The following CDC45 variants were observed in gnomAD, a reference collection of about 807,000 sequenced individuals.
The protein encoded by CDC45 is cell division cycle 45, also known as cell division control protein 45 homolog.
CDC45 carries 54 observed loss-of-function variants against 77.8 expected under a neutral mutation model. The observed-to-expected ratio is 0.69, with a 90% CI of 0.56 to 0.87. The LOEUF is 0.87. Among genes scored for constraint, CDC45 ranks in the 40% least tolerant of loss-of-function variants. CDC45 has a pLI of 0.00. For missense variants in CDC45, 649 were observed against 721.6 expected (o/e 0.90, Z 1.15); for synonymous variants, 260 against 272.1 (o/e 0.96, Z 0.44).
intron 5 of CDC45, among the ~76,000 whole-genome samples, chr22:19,487,378 T>C (rs2090086759): frequency 6.6e-6 from 1 of 150,624 alleles, no homozygotes; most frequent in African/African-American, 2.5e-5. Context: ...AAATAAAAAT[T>C]AGCCAGGCAT....
rs371767223 is a variant in CDC45 at position 19,507,891 on chromosome 22, C to T, written c.1055+27C>T. ...TAAACACACATTTTTCTGGATTTATCTTCATTACATCCAGGTTCATTAAAG... is the reference window on the plus strand; with the variant it reads ...TAAACACACATTTTTCTGGATTTATTTTCATTACATCCAGGTTCATTAAAG... On this transcript the variant is annotated intron_variant, in intron 12 of 18. Transcript: ENST00000263201. 2.2e-5 allele frequency: 32 copies of T among 1,422,762 alleles called. 1 individual carries two copies. The highest frequency in any genetic ancestry group is 3.5e-4 in the Middle Eastern group (2 of 5,664). 88.1% of individuals were successfully genotyped at this position (1,422,762 alleles called of 1,614,324 possible). A position where few individuals can be genotyped will look rare whatever the true frequency, so the allele number is the denominator to read the frequency against.
At chr22:19,516,941 A>T in intron 17 of CDC45, 48 bp downstream of exon 17, 1 of 1,492,462 alleles carries the variant, frequency 6.7e-7, no homozygotes, top group South Asian at 1.1e-5. Flanking sequence ...TGACCCTTTG[A>T]GGCTATTGCA....
chr22:19,507,407 G>A lies in CDC45; in HGVS notation c.846G>A (p.Gln282=). 2 of 1,614,062 alleles carry A rather than the reference G, an allele frequency of 1.2e-6. No homozygotes were observed. The highest frequency in any genetic ancestry group is 1.7e-6 in the Non-Finnish European group (2 of 1,180,022). ...CCAGCCTCCGCCTGGTGCTCTACCA[G>A]CACTGGTCCCTCCATGACAGCCTGT... ...FEYDLRLVLY[Q]HWSLHDSLCN... is the part of the protein sequence containing the mutation. Residue 282 remains glutamine (Q), a synonymous_variant, in exon 11 of 19, where the codon CAG becomes CAA. Coordinates refer to ENST00000263201, the MANE Select transcript of CDC45 (RefSeq NM_003504.5).
At chr22:19,484,752 A>G (rs2090039147) in intron 5 of CDC45, among the ~76,000 whole-genome samples, 1 of 152,084 alleles carries the variant, frequency 6.6e-6, no homozygotes, top group African/African-American at 2.4e-5. Context: ...TGTTCAAGAC[A>G]TTCTTCATTT....
intron 3 of CDC45, 58 bp from the exon 4 acceptor site, chr22:19,482,632 A>T (rs1361252033): frequency 7.7e-6 from 12 of 1,564,482 alleles, no homozygotes; most frequent in South Asian, 1.1e-5. Context: ...AGGCTTAGTG[A>T]TGAAGGAAAA....
chr22:19,508,763 C>T (rs1047866014), intron 13 of CDC45, 72 bp downstream of exon 13: 30 of 1,468,850 alleles, frequency 2.0e-5, no homozygotes, highest in Admixed American at 5.7e-5. Flanking sequence ...AGGTCAGTTA[C>T]GGGGACCCCA....
chr22:19,485,172 G>C (rs1428725640), intron 5 of CDC45, among the ~76,000 whole-genome samples: 1 of 151,936 alleles, frequency 6.6e-6, no homozygotes, highest in Non-Finnish European at 1.5e-5. Context: ...GCATTTCATT[G>C]GTTCCCAAAT....
intron 17 of CDC45, among the ~76,000 whole-genome samples, chr22:19,517,126 C>T (rs901446702): frequency 3.3e-5 from 5 of 152,248 alleles, no homozygotes; most frequent in African/African-American, 1.2e-4. Flanking sequence ...TGGCTGTGGC[C>T]TTACAGCGGC....
In CDC45 at chr22:19,495,516, C is replaced by G. The variant is rs911117797; in HGVS notation, c.543-465C>G. Among the ~76,000 whole-genome samples the G allele has an allele frequency of 5.3e-5, 8 of 152,336 alleles. No homozygotes were observed. The East Asian group carries it at 9.6e-4, about 18-fold the overall frequency. Reference sequence around the variant, plus strand: ...TTTCCCAACGTTACACATATACATTCTGCTAAAGAGTCAATAAGTGGCCAG... The same window carrying G: ...TTTCCCAACGTTACACATATACATTGTGCTAAAGAGTCAATAAGTGGCCAG... On this transcript the variant is annotated intron_variant, in intron 6 of 18. Coordinates refer to ENST00000263201, the MANE Select transcript of CDC45 (RefSeq NM_003504.5).
At chr22:19,487,910 CAAAA>C (rs11291499) in intron 5 of CDC45, among the ~76,000 whole-genome samples, 3 of 68,760 alleles carry the variant, frequency 4.4e-5, no homozygotes, top group South Asian at 5.0e-4. Context: ...GACTCCGTCT[CAAAA>C]AAAAAAAAAA....
chr22:19,501,781 C>A (rs538764512), intron 9 of CDC45, among the ~76,000 whole-genome samples: 1 of 152,126 alleles, frequency 6.6e-6, no homozygotes, highest in South Asian at 2.1e-4. Context: ...TTGGCATGAA[C>A]GTAACTCACT....
chr22:19,516,994 C>T, intron 17 of CDC45, 101 bp downstream of exon 17: 1 of 979,562 alleles, frequency 1.0e-6, no homozygotes, highest in South Asian at 1.4e-5. Flanking sequence ...AGGAGCCTGG[C>T]CAGCAGCCCT....
At chr22:19,484,397 C>G (rs2090033506) in intron 5 of CDC45, among the ~76,000 whole-genome samples, 2 of 152,216 alleles carry the variant, frequency 1.3e-5, no homozygotes, top group Non-Finnish European at 2.9e-5. Context: ...ATCCCTTGGC[C>G]AGGCCCAGTC....
At chr22:19,480,043 G>A in intron 1 of CDC45, 24 bp downstream of exon 1, 2 of 1,613,800 alleles carry the variant, frequency 1.2e-6, no homozygotes, top group Non-Finnish European at 1.7e-6. Flanking sequence ...CGGGACCCCC[G>A]CCGAGGCCTT....
At chr22:19,501,376 C>T (rs1017877254) in intron 9 of CDC45, among the ~76,000 whole-genome samples, 3 of 152,158 alleles carry the variant, frequency 2.0e-5, no homozygotes, top group Non-Finnish European at 2.9e-5. Context: ...TGTCAACCTT[C>T]GGTGCATAAA....
At chr22:19,505,540 T>C (rs1933122253) in intron 10 of CDC45, 59 bp downstream of exon 10, 1 of 1,596,844 alleles carries the variant, frequency 6.3e-7, no homozygotes, top group Non-Finnish European at 8.6e-7. Context: ...CAGGCCTTGT[T>C]TGCTTTGTCA....
At chr22:19,479,668 G>T (rs1568907791), upstream of CDC45, 6 of 679,346 alleles carry the variant, frequency 8.8e-6, no homozygotes, top group East Asian at 1.5e-4. Context: ...AAAGATGTCC[G>T]CCCAGCGTCG....
At chr22:19,482,568 A>T in intron 3 of CDC45, 122 bp from the exon 4 acceptor site, 1 of 1,060,744 alleles carries the variant, frequency 9.4e-7, no homozygotes, top group South Asian at 1.7e-5. Flanking sequence ...GTCCCTTGCC[A>T]CGTGGGCCTC....
chr22:19,498,499 G>A lies in CDC45; in HGVS notation c.654-602G>A, dbSNP rs13447226. 3.4e-3 allele frequency among the ~76,000 whole-genome samples: 514 copies of A among 152,360 alleles called. 19 individuals are homozygous for A. In the East Asian group the frequency reaches 0.069, roughly 20 times the overall value. On this transcript the variant is annotated intron_variant, in intron 8 of 18. Coordinates refer to ENST00000263201, the MANE Select transcript of CDC45 (RefSeq NM_003504.5). The stretch of plus-strand genomic sequence containing the variant: ...TGCTGTGGGCTGGCCGTCATGCTGG[G>A]GAAGCCAGGCCTTGCCTGGGTCTCA...
Sources: gnomAD v4.1 joint callset for allele counts (sites outside exome capture counted in the v4.1 genomes callset) on GRCh38, gnomAD v4.1.1 for gene constraint, MANE v1.5 for transcripts, NCBI Gene and HGNC (gene_info 2026-07-23, HGNC 2026-07-21) for gene names.